The following ZNF775 variants were observed in gnomAD, a reference collection of about 807,000 sequenced individuals.
ZNF775 encodes zinc finger protein 775.
Under a neutral mutation model 2.4 loss-of-function variants are expected in ZNF775, and 1 was observed. The ratio of observed to expected loss-of-function variants is 0.41; its 90% CI spans 0.15 to 1.94. ZNF775 has a LOEUF of 1.94. Ranked by LOEUF, ZNF775 falls within the 30% of genes most tolerant of loss-of-function variation. ZNF775 has a pLI of 0.30. For missense variants in ZNF775, 823 were observed against 826.6 expected (o/e 1.00, Z 0.05); for synonymous variants, 381 against 373.3 (o/e 1.02, Z -0.24).
At chr7:150,391,184 G>T (rs1241269321) in intron 2 of ZNF775, among the ~76,000 whole-genome samples, 2 of 152,206 alleles carry the variant, frequency 1.3e-5, no homozygotes, top group African/African-American at 4.8e-5. Flanking sequence ...AGCCACATAG[G>T]ACTCTTCTAG....
chr7:150,397,633 C>T lies in ZNF775; in HGVS notation c.1152C>T (p.His384=). The T allele has an allele frequency of 1.5e-6, 2 of 1,337,206 alleles. No individual in the cohort carries two copies. The highest frequency in any genetic ancestry group is 1.6e-5 in the South Asian group (1 of 60,740). The allele number at this position is 1,337,206 out of a possible 1,614,324, so 82.8% of individuals were successfully genotyped here. The change falls in exon 3 of 3, where the codon CAC becomes CAT. Residue 384 remains histidine, a synonymous_variant. Transcript: ENST00000329630. ...SCRSRAALRA[H]QRAHAVAEPA... Reference sequence around the variant, plus strand: ...GCAGCCGCGCCGCGCTGCGCGCCCACCAGCGCGCCCACGCTGTCGCTGAGC... The same window carrying T: ...GCAGCCGCGCCGCGCTGCGCGCCCATCAGCGCGCCCACGCTGTCGCTGAGC...
chr7:150,396,444 T>G (rs1276267017), intron 2 of ZNF775, 69 bp from the exon 3 acceptor site: 1 of 1,484,646 alleles, frequency 6.7e-7, no homozygotes, highest in Non-Finnish European at 8.9e-7. Context: ...CTCTTGCTCC[T>G]TCTCTCCATC....
In ZNF775 at chr7:150,398,006, C is replaced by T. The variant is rs1401408790; in HGVS notation, c.1525C>T (p.Arg509Cys). The T allele has an allele frequency of 2.5e-6, 4 of 1,587,138 alleles. No individual in the cohort carries two copies. The highest frequency in any genetic ancestry group is 1.3e-5 in the African/African-American group (1 of 74,666). The change falls in exon 3 of 3, where the codon CGC becomes TGC. Residue 509 changes from arginine (R) to cysteine (C), a missense_variant. Transcript: ENST00000329630. ...GCCCTACCTGTGTCCCGCCTGCGGC[C>T]GCGGCTTCAGCCAGAAGCAGCACCT... ...ERPYLCPACG[R>C]GFSQKQHLLK... is the part of the protein sequence containing the mutation.
chr7:150,398,140 C>CG lies in ZNF775; in HGVS notation c.*49dup, dbSNP rs1800718626. ...CCCGTGGTGGTGCGGGGGATGTTTGCGGGGTGTGTGTGGGGAGTGGGGGTG... is the reference window on the plus strand; with the variant it reads ...CCCGTGGTGGTGCGGGGGATGTTTGCGGGGGTGTGTGTGGGGAGTGGGGGTG... On this transcript the variant is annotated 3_prime_UTR_variant, in exon 3 of 3. Coordinates refer to ENST00000329630, the MANE Select transcript of ZNF775 (RefSeq NM_173680.4). The CG allele has an allele frequency of 6.5e-7, 1 of 1,530,662 alleles. No individual in the cohort carries two copies. Among genetic ancestry groups the CG allele is most frequent in the East Asian group, 2.4e-5 (1 of 40,824 alleles). The allele number at this position is 1,530,662 out of a possible 1,614,324, so 94.8% of individuals were successfully genotyped here.
At chr7:150,396,151 T>G (rs1374787570) in intron 2 of ZNF775, among the ~76,000 whole-genome samples, 1 of 152,164 alleles carries the variant, frequency 6.6e-6, no homozygotes, top group African/African-American at 2.4e-5. Context: ...CTTTAAACCT[T>G]CTCTGCATCT....
chr7:150,392,180 C>T (rs7789393), intron 2 of ZNF775, among the ~76,000 whole-genome samples: 62,496 of 151,854 alleles, frequency 0.41, 13,417 homozygotes, highest in Admixed American at 0.48. Context: ...TTTTTTTAAG[C>T]TGGCACTTAA....
intron 1 of ZNF775, among the ~76,000 whole-genome samples, chr7:150,386,069 G>A (rs1002228297): frequency 2.0e-5 from 3 of 152,042 alleles, no homozygotes; most frequent in South Asian, 4.2e-4. Flanking sequence ...CCGAGTAGCT[G>A]GGATTACAGA....
rs1800681316 is a variant in ZNF775, at chr7:150,397,202, CCGGGGCCGCCG to C, written c.727_737del (p.Pro243AlafsTer127). ...GGCGCGCCGGGCCTGTCGCCTGCAG[CCGGGGCCGCCG>C]CGGGGGCGCCCCGAGTGGGCCTGGC... On this transcript the variant is annotated frameshift_variant, in exon 3 of 3. Transcript: ENST00000329630. LOFTEE classifies it low-confidence loss of function (END_TRUNC). The C allele has an allele frequency of 1.7e-5, 19 of 1,108,252 alleles. No homozygotes were observed. The highest frequency in any genetic ancestry group is 2.0e-5 in the Non-Finnish European group (18 of 910,012). 68.7% of individuals were successfully genotyped at this position (1,108,252 alleles called of 1,614,324 possible). A position where few individuals can be genotyped will look rare whatever the true frequency, so the allele number is the denominator to read the frequency against.
intron 2 of ZNF775, among the ~76,000 whole-genome samples, chr7:150,388,705 A>G (rs1800502049): frequency 6.6e-6 from 1 of 152,264 alleles, no homozygotes; most frequent in African/African-American, 2.4e-5. Context: ...GGGAGCTCAA[A>G]AAATGGCAAA....
chr7:150,379,411 C>T lies in ZNF775; in HGVS notation c.-50+19C>T, dbSNP rs1489604960. The T allele has an allele frequency of 1.3e-5, 2 of 152,206 alleles. No individual in the cohort carries two copies. The highest frequency in any genetic ancestry group is 2.9e-5 in the Non-Finnish European group (2 of 68,030). The allele number at this position is 152,206 out of a possible 1,614,324, so 9.4% of individuals were successfully genotyped here. On this transcript the variant is annotated intron_variant, in intron 1 of 2. Transcript: ENST00000329630. ...GTCAAAGGTATTTATTTCCCCGTCG[C>T]CTCCCTCCGAGTCCCTCTGCATTTT...
At chr7:150,389,581 TC>T (rs1800520499) in intron 2 of ZNF775, among the ~76,000 whole-genome samples, 1 of 152,164 alleles carries the variant, frequency 6.6e-6, no homozygotes, top group South Asian at 2.1e-4. Context: ...GAAGGCCCTT[TC>T]CCCAGATAGA....
At chr7:150,391,007 G>C (rs1281175995) in intron 2 of ZNF775, among the ~76,000 whole-genome samples, 1 of 152,188 alleles carries the variant, frequency 6.6e-6, no homozygotes, top group African/African-American at 2.4e-5. Flanking sequence ...TGGTATGAGG[G>C]GTTGAAAGAT....
chr7:150,390,558 T>C (rs1030986725), intron 2 of ZNF775, among the ~76,000 whole-genome samples: 1 of 152,230 alleles, frequency 6.6e-6, no homozygotes, highest in Non-Finnish European at 1.5e-5. Flanking sequence ...AATCAGATGA[T>C]TCATATGGTT....
intron 1 of ZNF775, 27 bp from the exon 2 acceptor site, chr7:150,388,395 T>G (rs938969875): frequency 2.0e-6 from 3 of 1,537,638 alleles, no homozygotes; most frequent in Admixed American, 2.0e-5. Flanking sequence ...AGGCCCATTC[T>G]CTTTCTTCTG....
At chr7:150,381,354 C>A (rs1465948617) in intron 1 of ZNF775, among the ~76,000 whole-genome samples, 1 of 152,090 alleles carries the variant, frequency 6.6e-6, no homozygotes, top group East Asian at 1.9e-4. Flanking sequence ...TGCTTGCATG[C>A]AGATCAGGTC....
chr7:150,395,301 T>G (rs1283714753), intron 2 of ZNF775, among the ~76,000 whole-genome samples: 1 of 152,210 alleles, frequency 6.6e-6, no homozygotes, highest in Non-Finnish European at 1.5e-5. Context: ...TGTTTTTATC[T>G]TTATTAATGC....
intron 2 of ZNF775, among the ~76,000 whole-genome samples, chr7:150,391,161 C>T (rs771699832): frequency 6.6e-5 from 10 of 152,172 alleles, no homozygotes; most frequent in Non-Finnish European, 1.2e-4. Flanking sequence ...TTGCACTGTC[C>T]AGCACGTGGC....
At chr7:150,395,971 C>T (rs1381324792) in intron 2 of ZNF775, among the ~76,000 whole-genome samples, 3 of 152,208 alleles carry the variant, frequency 2.0e-5, no homozygotes, top group South Asian at 2.1e-4. Flanking sequence ...ACAGTATAGA[C>T]GGTGCTGCAG....
At chr7:150,395,511 G>A (rs962633945) in intron 2 of ZNF775, among the ~76,000 whole-genome samples, 1 of 152,194 alleles carries the variant, frequency 6.6e-6, no homozygotes, top group Admixed American at 6.5e-5. Context: ...CCACATCAAT[G>A]GAGAACATTG....
Sources: gnomAD v4.1 joint callset for allele counts (sites outside exome capture counted in the v4.1 genomes callset) on GRCh38, gnomAD v4.1.1 for gene constraint, MANE v1.5 for transcripts, NCBI Gene and HGNC (gene_info 2026-07-23, HGNC 2026-07-21) for gene names.